The following NPAS3 variants were observed in gnomAD, a reference collection of about 807,000 sequenced individuals.
NPAS3 encodes neuronal PAS domain-containing protein 3.
Under a neutral mutation model 73.1 loss-of-function variants are expected in NPAS3, and 14 were observed. That is an observed-to-expected ratio of 0.19 (90% CI 0.13 to 0.30). NPAS3 has a LOEUF of 0.30. Ranked by LOEUF, NPAS3 falls within the 10% of genes least tolerant of loss-of-function variation. The pLI, the probability that NPAS3 is intolerant of heterozygous loss-of-function variation, is 1.00. For synonymous variants in NPAS3, 620 were observed against 541.5 expected (o/e 1.14, Z -2.01); for missense variants, 1,096 against 1,250.0 (o/e 0.88, Z 1.86).
chr14:33,606,127 T>A, intron 5 of NPAS3, among the ~76,000 whole-genome samples: 1 of 151,838 alleles, frequency 6.6e-6, no homozygotes, highest in East Asian at 1.9e-4. Flanking sequence ...AATGTGCAGG[T>A]TTGTTACATA....
chr14:33,180,305 T>G (rs1432855538), intron 2 of NPAS3, among the ~76,000 whole-genome samples: 1 of 152,148 alleles, frequency 6.6e-6, no homozygotes, highest in Non-Finnish European at 1.5e-5. Flanking sequence ...GTTCGCCACT[T>G]CTGAATTCTC....
intron 5 of NPAS3, among the ~76,000 whole-genome samples, chr14:33,647,286 C>CTA (rs1267991760): frequency 6.6e-5 from 10 of 151,224 alleles, no homozygotes; most frequent in African/African-American, 2.4e-4. Flanking sequence ...CTCTCTCTCT[C>CTA]TCTCTATATA....
At chr14:33,663,631 C>T (rs1305384082) in intron 5 of NPAS3, among the ~76,000 whole-genome samples, 1 of 152,100 alleles carries the variant, frequency 6.6e-6, no homozygotes, top group African/African-American at 2.4e-5. Context: ...ACGGGCTCCT[C>T]TTTGTACCTC....
chr14:33,263,677 T>C (rs2049059846), intron 3 of NPAS3, among the ~76,000 whole-genome samples: 2 of 152,162 alleles, frequency 1.3e-5, no homozygotes. Context: ...GGTAGCTTGA[T>C]GGGGATGGCA....
chr14:32,995,621 T>C (rs1791848539), intron 1 of NPAS3, among the ~76,000 whole-genome samples: 1 of 152,224 alleles, frequency 6.6e-6, no homozygotes, highest in Non-Finnish European at 1.5e-5. Context: ...GTTCTTGTGA[T>C]AGCAAATGAG....
chr14:33,700,825 C>T (rs2060504906), intron 6 of NPAS3, among the ~76,000 whole-genome samples: 1 of 152,198 alleles, frequency 6.6e-6, no homozygotes, highest in African/African-American at 2.4e-5. Context: ...TTGAACTTCC[C>T]TGCAATTCAT....
intron 3 of NPAS3, among the ~76,000 whole-genome samples, chr14:33,314,993 AAAT>A (rs2043150715): frequency 6.6e-6 from 1 of 152,078 alleles, no homozygotes; most frequent in South Asian, 2.1e-4. Flanking sequence ...TGAAAGAGCT[AAAT>A]AATAAGTTCA....
chr14:33,676,253 G>A (rs201170718), exon 6 of NPAS3: 30 of 1,613,800 alleles, frequency 1.9e-5, no homozygotes, highest in East Asian at 1.6e-4. Context: ...TGTCCACCCC[G>A]GAGATCACGT....
intron 1 of NPAS3, among the ~76,000 whole-genome samples, chr14:32,994,537 T>C (rs1366213823): frequency 6.6e-6 from 1 of 151,414 alleles, no homozygotes; most frequent in Non-Finnish European, 1.5e-5. Context: ...TAATCTTTGA[T>C]GCAGGTTGCA....
chr14:33,037,951 A>G (rs1000913459), intron 1 of NPAS3, among the ~76,000 whole-genome samples: 1 of 152,218 alleles, frequency 6.6e-6, no homozygotes, highest in African/African-American at 2.4e-5. Context: ...AATCAGAGGC[A>G]TCGGGTCTAT....
chr14:33,712,347 G>T (rs1028021713), intron 6 of NPAS3, among the ~76,000 whole-genome samples: 1 of 152,086 alleles, frequency 6.6e-6, no homozygotes, highest in East Asian at 1.9e-4. Flanking sequence ...TAACACACAC[G>T]CATTCAAGTG....
chr14:33,257,263 G>A (rs576994220), intron 3 of NPAS3, among the ~76,000 whole-genome samples: 6 of 152,130 alleles, frequency 3.9e-5, no homozygotes, highest in Non-Finnish European at 5.9e-5. Flanking sequence ...TTGCACCAAC[G>A]CTTACCTCTT....
intron 9 of NPAS3, among the ~76,000 whole-genome samples, chr14:33,792,402 A>AG (rs1420874960): frequency 1.3e-5 from 2 of 152,118 alleles, no homozygotes; most frequent in African/African-American, 2.4e-5. Context: ...GTGTGCTGTG[A>AG]GAAAAAAAAG....
At chr14:33,389,675 T>C (rs1208663756) in intron 4 of NPAS3, among the ~76,000 whole-genome samples, 1 of 152,188 alleles carries the variant, frequency 6.6e-6, no homozygotes, top group Non-Finnish European at 1.5e-5. Flanking sequence ...GAGGATAAAT[T>C]CATCTTTATT....
At chr14:33,740,591 C>G (rs1018445778) in intron 7 of NPAS3, among the ~76,000 whole-genome samples, 9 of 152,222 alleles carry the variant, frequency 5.9e-5, no homozygotes, top group African/African-American at 2.2e-4. Flanking sequence ...AGCTATGAAC[C>G]CAAACGATTG....
At chr14:33,676,363 T>A in exon 6 of NPAS3, 3 of 1,587,386 alleles carry the variant, frequency 1.9e-6, no homozygotes, top group Non-Finnish European at 2.6e-6. Flanking sequence ...CTTCCTCCTC[T>A]CAGTCGGAGA....
chr14:33,703,334 T>A (rs563753238), intron 6 of NPAS3, among the ~76,000 whole-genome samples: 9 of 151,724 alleles, frequency 5.9e-5, no homozygotes, highest in Middle Eastern at 3.4e-3. Context: ...AAAAAAAAAA[T>A]TTTGAAAACA....
chr14:33,092,702 T>C (rs895750575), intron 2 of NPAS3, among the ~76,000 whole-genome samples: 1 of 152,188 alleles, frequency 6.6e-6, no homozygotes, highest in East Asian at 1.9e-4. Flanking sequence ...GGCATCACAC[T>C]ACCTGACTTC....
At chr14:33,085,988 G>A (rs2042012687) in intron 2 of NPAS3, among the ~76,000 whole-genome samples, 1 of 152,056 alleles carries the variant, frequency 6.6e-6, no homozygotes, top group Admixed American at 6.6e-5. Context: ...GGAGTAGAAG[G>A]CATATTGTCT....
Sources: allele counts gnomAD v4.1 joint callset (sites outside exome capture counted in the v4.1 genomes callset), GRCh38; gene constraint gnomAD v4.1.1; transcripts MANE v1.5; gene names NCBI Gene and HGNC (gene_info 2026-07-23, HGNC 2026-07-21).